The following ZMYND15 variants were observed in gnomAD, a reference collection of about 807,000 sequenced individuals.
The protein encoded by ZMYND15 is zinc finger MYND-type containing 15, also known as zinc finger MYND domain-containing protein 15.
A neutral mutation model predicts 81.7 loss-of-function variants in ZMYND15; 54 were observed. The ratio of observed to expected loss-of-function variants is 0.66; its 90% CI spans 0.53 to 0.83. ZMYND15 has a LOEUF of 0.83. Ranked by LOEUF, ZMYND15 falls within the 40% of genes least tolerant of loss-of-function variation. ZMYND15 has a pLI of 0.00. For synonymous variants in ZMYND15, 399 were observed against 387.0 expected (o/e 1.03, Z -0.36); for missense variants, 925 against 973.5 (o/e 0.95, Z 0.66).
At chr17:4,742,280 C>G in intron 4 of ZMYND15, 51 bp from the exon 5 acceptor site, 1 of 1,599,512 alleles carries the variant, frequency 6.3e-7, no homozygotes. Context: ...GAACAGCAGA[C>G]AGGACCTACA....
chr17:4,742,675 C>A (rs1423232596), intron 5 of ZMYND15, among the ~76,000 whole-genome samples, 184 bp downstream of exon 5: 10 of 152,034 alleles, frequency 6.6e-5, no homozygotes, highest in African/African-American at 2.2e-4. Flanking sequence ...GAAGCCGAGG[C>A]CTGAGTGTCT....
chr17:4,744,843 C>A lies in ZMYND15; in HGVS notation c.1838-27C>A. 1 of 1,614,096 alleles carries A rather than the reference C, an allele frequency of 6.2e-7. No homozygotes were observed. Among genetic ancestry groups the A allele is most frequent in the Non-Finnish European group, 8.5e-7 (1 of 1,180,002 alleles). On this transcript the variant is annotated intron_variant, in intron 11 of 13. Coordinates refer to ENST00000433935, the MANE Select transcript of ZMYND15 (RefSeq NM_001136046.3). This position sits in a 1 kb window ranked among gnomAD's most constrained non-coding sequence, Gnocchi z 4.1. ...TGGGAGAGAAGCCCACCGTGGGAGC[C>A]AGCTTCTCCCTCCTCTCTGTCTGCA... is the stretch of plus-strand genomic sequence containing the variant.
chr17:4,745,779 C>T lies in ZMYND15; in HGVS notation c.2058-40C>T, dbSNP rs965143378. 3 of 1,263,794 alleles carry T rather than the reference C, an allele frequency of 2.4e-6. No individual in the cohort carries two copies. The highest frequency in any genetic ancestry group is 3.2e-6 in the Non-Finnish European group (3 of 930,950). The allele number at this position is 1,263,794 out of a possible 1,614,324, so 78.3% of individuals were successfully genotyped here. A position where few individuals can be genotyped will look rare whatever the true frequency, so the allele number is the denominator to read the frequency against. On this transcript the variant is annotated intron_variant, in intron 13 of 13. Transcript: ENST00000433935. This position sits in a 1 kb window ranked among gnomAD's most constrained non-coding sequence, Gnocchi z 5.2. ...CCTGGGAGCGCCGACCCCTGGGAGT[C>T]CCGCCCCGTGGTCCCTGACTGCGCC...
Position 4,744,893 on chromosome 17 carries a change from A to C in ZMYND15, c.1861A>C (p.Lys621Gln). 1 of 1,614,044 alleles carries C rather than the reference A, an allele frequency of 6.2e-7. No individual in the cohort carries two copies. Among genetic ancestry groups the C allele is most frequent in the Non-Finnish European group, 8.5e-7 (1 of 1,179,992 alleles). ...VIGFNSGFAL[K>Q]DTWLRSLPRL... is the part of the protein sequence containing the mutation. ...AGGATTTAACTCCGGGTTTGCTCTC[A>C]AGGATACGTGGCTGAGGTCTCTGCC... is the stretch of plus-strand genomic sequence containing the variant. Residue 621 changes from lysine (K) to glutamine (Q), a missense_variant, in exon 12 of 14, where the codon AAG (lysine) becomes CAG (glutamine). Transcript: ENST00000433935. The surrounding 1 kb of genome is among the most constrained non-coding windows in gnomAD (Gnocchi z 4.1).
At position 4,739,893 on chromosome 17, in the gene ZMYND15, G is replaced by T. The variant is rs1305941456; in HGVS notation, c.-188G>T. On this transcript the variant is annotated 5_prime_UTR_variant, in exon 1 of 14. Transcript: ENST00000433935. The surrounding 1 kb of genome is among the most constrained non-coding windows in gnomAD (Gnocchi z 5.3). The stretch of plus-strand genomic sequence containing the variant: ...GAGAGAGTCGCCGCCAGCCCCGGCC[G>T]CGCGCACCTGCGGGGCAGCCACCCG... The T allele has an allele frequency of 1.0e-6, 1 of 985,412 alleles. No individual in the cohort carries two copies. The highest frequency in any genetic ancestry group is 1.2e-6 in the Non-Finnish European group (1 of 830,164). 61.0% of individuals were successfully genotyped at this position (985,412 alleles called of 1,614,324 possible).
In ZMYND15 at chr17:4,744,779, G is replaced by C. The variant is rs763658687; in HGVS notation, c.1837+1G>C. Reference sequence around the variant, plus strand: ...GGGCCCAAGCCTGACCTGGTTATTGGTAAAAGCCTGGGTCTCAGGGTTAGG... The same window carrying C: ...GGGCCCAAGCCTGACCTGGTTATTGCTAAAAGCCTGGGTCTCAGGGTTAGG... On this transcript the variant is annotated splice_donor_variant, in intron 11 of 13. Coordinates refer to ENST00000433935, the MANE Select transcript of ZMYND15 (RefSeq NM_001136046.3). LOFTEE classifies it high-confidence loss of function. The surrounding 1 kb of genome is among the most constrained non-coding windows in gnomAD (Gnocchi z 4.1). 3.1e-6 allele frequency: 5 copies of C among 1,614,146 alleles called. No individual in the cohort carries two copies. In the East Asian group the frequency reaches 1.1e-4, roughly 36 times the overall value.
Position 4,745,790 on chromosome 17 carries a change from GTCCCT to G in ZMYND15, c.2058-28_2058-24del. Reference sequence around the variant, plus strand: ...CGACCCCTGGGAGTCCCGCCCCGTGGTCCCTGACTGCGCCCCGCGCCCCCGCAGGT... The same window carrying G: ...CGACCCCTGGGAGTCCCGCCCCGTGGGACTGCGCCCCGCGCCCCCGCAGGT... On this transcript the variant is annotated intron_variant, in intron 13 of 13. Transcript: ENST00000433935. This position sits in a 1 kb window ranked among gnomAD's most constrained non-coding sequence, Gnocchi z 5.2. The G allele has an allele frequency of 6.4e-7, 1 of 1,571,412 alleles. No individual in the cohort carries two copies. The highest frequency in any genetic ancestry group is 1.9e-5 in the Admixed American group (1 of 53,332).
rs1239021170 is a variant in ZMYND15 at position 4,745,130 on chromosome 17, C to T, written c.1897-85C>T. The T allele has an allele frequency of 1.2e-6, 2 of 1,606,654 alleles. No individual in the cohort carries two copies. Among genetic ancestry groups the T allele is most frequent in the Non-Finnish European group, 1.7e-6 (2 of 1,176,014 alleles). On this transcript the variant is annotated intron_variant, in intron 12 of 13. Transcript: ENST00000433935. This position sits in a 1 kb window ranked among gnomAD's most constrained non-coding sequence, Gnocchi z 5.2. The stretch of plus-strand genomic sequence containing the variant: ...CCCTCCGCCCGGTCTGTCCGGGGAC[C>T]TCGGCTTTCAGCCCGGTCTGTCATT...
Position 4,744,091 on chromosome 17 carries a change from C to T in ZMYND15, c.1479C>T (p.His493=). The T allele has an allele frequency of 6.3e-7, 1 of 1,588,422 alleles. No homozygotes were observed. The highest frequency in any genetic ancestry group is 8.6e-7 in the Non-Finnish European group (1 of 1,167,050). ...TGACCGTGTACTACGTCATCACCCA[C>T]CTGGTGCCCCAGTCCTGTAAGGAGA... The part of the protein sequence containing the change: ...YPLTVYYVIT[H]LVPQSFPELN... Residue 493 remains histidine, a synonymous_variant, in exon 8 of 14, where the codon CAC becomes CAT. Transcript: ENST00000433935. The surrounding 1 kb of genome is among the most constrained non-coding windows in gnomAD (Gnocchi z 4.1).
Position 4,740,871 on chromosome 17 carries a change from G to A in ZMYND15, c.323G>A (p.Ser108Asn). The A allele has an allele frequency of 6.3e-7, 1 of 1,577,388 alleles. No homozygotes were observed. Residue 108 changes from serine to asparagine, a missense_variant, in exon 2 of 14, where the codon AGC (serine) becomes AAC (asparagine). Physicochemically the swap from Ser to Asn is conservative, Grantham distance 46. Coordinates refer to ENST00000433935, the MANE Select transcript of ZMYND15 (RefSeq NM_001136046.3). The stretch of plus-strand genomic sequence containing the variant: ...CTGAGCCCCTACATCAGCTTTGTCA[G>A]CCTAGAGGATGGGGAGGAAGGGGAG... ...RDLSPYISFVSLEDGEEGEEE... is the reference protein window; with the variant it reads ...RDLSPYISFVNLEDGEEGEEE...
chr17:4,741,949 A>T lies in ZMYND15; in HGVS notation c.862A>T (p.Lys288Ter). ...GAGCTTGGTCCCAAGGCTAGGTGTGAAGTTAGCCAAAACCCCAATGCGGAC... is the reference window on the plus strand; with the variant it reads ...GAGCTTGGTCCCAAGGCTAGGTGTGTAGTTAGCCAAAACCCCAATGCGGAC... Reference protein sequence around the residue: ...LESLVPRLGVKLAKTPMRTWG... With the variant: ...LESLVPRLGV Residue 288 changes from lysine (K) to a stop codon, truncating the protein, a stop_gained, in exon 4 of 14, where the codon AAG becomes TAG. Transcript: ENST00000433935. LOFTEE classifies it high-confidence loss of function. 1 of 1,614,154 alleles carries T rather than the reference A, an allele frequency of 6.2e-7. No homozygotes were observed. Among genetic ancestry groups the T allele is most frequent in the Non-Finnish European group, 8.5e-7 (1 of 1,180,024 alleles).
rs377743926 is a variant in ZMYND15 at position 4,742,318 on chromosome 17, G to A, written c.984-13G>A. On this transcript the variant is annotated splice_polypyrimidine_tract_variant and intron_variant, in intron 4 of 13. Coordinates refer to ENST00000433935, the MANE Select transcript of ZMYND15 (RefSeq NM_001136046.3). ...GGTTAACACTAGGTGCCCACCACCC[G>A]CTGTGTCCCCAGCCCCCAGTGTAGT... is the stretch of plus-strand genomic sequence containing the variant. 17 of 1,612,588 alleles carry A rather than the reference G, an allele frequency of 1.1e-5. No homozygotes were observed. The African/African-American group carries it at 1.1e-4, about 10-fold the overall frequency.
chr17:4,742,484 C>T lies in ZMYND15; in HGVS notation c.1137C>T (p.Tyr379=), dbSNP rs761387494. Residue 379 remains tyrosine, a synonymous_variant, in exon 5 of 14, where the codon TAC becomes TAT. Coordinates refer to ENST00000433935, the MANE Select transcript of ZMYND15 (RefSeq NM_001136046.3). ...AGELATLPFT[Y]TAEVTSETFN... is the part of the protein sequence containing the mutation. ...AACTGGCAACCCTGCCTTTTACCTA[C>T]ACCGCAGGTACCATAAGGAGGTCAG... 5 of 1,613,896 alleles carry T rather than the reference C, an allele frequency of 3.1e-6. No individual in the cohort carries two copies. In the African/African-American group the frequency reaches 5.3e-5, roughly 17 times the overall value.
chr17:4,741,277 G>C, intron 2 of ZMYND15, 137 bp downstream of exon 2: 11 of 1,049,894 alleles, frequency 1.0e-5, no homozygotes, highest in Non-Finnish European at 1.4e-5. Context: ...ACCCACAGTG[G>C]GGTTTTTTTT....
Position 4,743,979 on chromosome 17 carries a change from C to T in ZMYND15, c.1379-12C>T. 1 of 1,554,532 alleles carries T rather than the reference C, an allele frequency of 6.4e-7. No individual in the cohort carries two copies. ...TCCAGGGCCAGGTCCTCTAGCAACC[C>T]TCTCCTGCCAGGCTCATGGCAGGAT... On this transcript the variant is annotated splice_polypyrimidine_tract_variant and intron_variant, in intron 7 of 13. Transcript: ENST00000433935. The surrounding 1 kb of genome is among the most constrained non-coding windows in gnomAD (Gnocchi z 4.3).
At chr17:4,740,457 C>A in intron 1 of ZMYND15, 62 bp from the exon 2 acceptor site, 1 of 1,443,780 alleles carries the variant, frequency 6.9e-7, no homozygotes, top group Non-Finnish European at 9.1e-7. Context: ...CAATTTGTGA[C>A]CCAGCCCCAA....
In ZMYND15 at chr17:4,745,781, C is replaced by A; in HGVS notation, c.2058-38C>A. The A allele has an allele frequency of 6.4e-7, 1 of 1,552,646 alleles. No individual in the cohort carries two copies. Among genetic ancestry groups the A allele is most frequent in the Non-Finnish European group, 8.7e-7 (1 of 1,152,010 alleles). ...TGGGAGCGCCGACCCCTGGGAGTCC[C>A]GCCCCGTGGTCCCTGACTGCGCCCC... On this transcript the variant is annotated intron_variant, in intron 13 of 13. Transcript: ENST00000433935. The surrounding 1 kb of genome is among the most constrained non-coding windows in gnomAD (Gnocchi z 5.2).
chr17:4,742,685 T>C (rs974687338), intron 5 of ZMYND15, among the ~76,000 whole-genome samples, 194 bp downstream of exon 5: 5 of 152,244 alleles, frequency 3.3e-5, no homozygotes, highest in South Asian at 4.1e-4. Context: ...CCTGAGTGTC[T>C]GGGTCCCTGA....
Position 4,745,798 on chromosome 17 carries a change from C to T in ZMYND15, c.2058-21C>T. 1 of 1,572,648 alleles carries T rather than the reference C, an allele frequency of 6.4e-7. No homozygotes were observed. Among genetic ancestry groups the T allele is most frequent in the Non-Finnish European group, 8.6e-7 (1 of 1,163,282 alleles). ...GGGAGTCCCGCCCCGTGGTCCCTGA[C>T]TGCGCCCCGCGCCCCCGCAGGTACT... On this transcript the variant is annotated intron_variant, in intron 13 of 13. Coordinates refer to ENST00000433935, the MANE Select transcript of ZMYND15 (RefSeq NM_001136046.3). The surrounding 1 kb of genome is among the most constrained non-coding windows in gnomAD (Gnocchi z 5.2).
Sources: gnomAD v4.1 joint callset for allele counts (sites outside exome capture counted in the v4.1 genomes callset) on GRCh38, gnomAD v4.1.1 for gene constraint, Gnocchi (gnomAD v3.1) non-coding constraint, MANE v1.5 for transcripts, NCBI Gene and HGNC (gene_info 2026-07-23, HGNC 2026-07-21) for gene names.